SLCO1B1: variants seen among roughly 807,000 people sequenced by gnomAD.
The protein encoded by SLCO1B1 is solute carrier organic anion transporter family member 1B1, also known as OATP-2.
SLCO1B1 carries 81 observed loss-of-function variants against 70.1 expected under a neutral mutation model. The ratio of observed to expected loss-of-function variants is 1.16; its 90% confidence interval spans 0.97 to 1.39. SLCO1B1 has a LOEUF of 1.39. Among genes scored for constraint, SLCO1B1 ranks in the 40% most tolerant of loss-of-function variants. The probability of loss-of-function intolerance (pLI) is 0.00; values close to 1 mark genes in which losing one functional copy is unlikely to be tolerated. For missense variants in SLCO1B1, 895 were observed against 799.6 expected (o/e 1.12, Z -1.44); for synonymous variants, 283 against 271.5 (o/e 1.04, Z -0.42).
Position 21,239,095 on chromosome 12 carries a change from A to T in SLCO1B1, c.1982A>T (p.Asn661Ile), listed in dbSNP as rs749393518. ...YQEKDINASENGSVMDEANLE... is the reference protein window; with the variant it reads ...YQEKDINASEIGSVMDEANLE... ...GAGAAAGATATCAATGCATCAGAAAATGGAAGTGTCATGGATGAAGCAAAC... is the reference window on the plus strand; with the variant it reads ...GAGAAAGATATCAATGCATCAGAAATTGGAAGTGTCATGGATGAAGCAAAC... The change falls in exon 15 of 15, where the codon AAT becomes ATT. Residue 661 changes from asparagine to isoleucine, a missense_variant. By Grantham distance (149) the Asn-to-Ile change is moderately radical. Transcript: ENST00000256958. The T allele has an allele frequency of 6.2e-7, 1 of 1,610,112 alleles. No individual in the cohort carries two copies.
intron 2 of SLCO1B1, among the ~76,000 whole-genome samples, chr12:21,164,544 G>A (rs1392545976): frequency 2.6e-5 from 4 of 151,890 alleles, no homozygotes; most frequent in Non-Finnish European, 5.9e-5. Flanking sequence ...CTTCATGGCT[G>A]CCAGAATTAA....
chr12:21,210,894 T>C (rs1324266983), intron 11 of SLCO1B1, among the ~76,000 whole-genome samples: 2 of 152,068 alleles, frequency 1.3e-5, no homozygotes, highest in Non-Finnish European at 2.9e-5. Flanking sequence ...TGCTTGTGAT[T>C]TTTGTACATT....
intron 2 of SLCO1B1, among the ~76,000 whole-genome samples, chr12:21,147,055 C>T (rs1940396033): frequency 6.6e-6 from 1 of 152,072 alleles, no homozygotes; most frequent in South Asian, 2.1e-4. Flanking sequence ...TTTATTTCTC[C>T]TTGTATTTCT....
At chr12:21,152,732 C>G (rs1359435442) in intron 2 of SLCO1B1, among the ~76,000 whole-genome samples, 1 of 151,958 alleles carries the variant, frequency 6.6e-6, no homozygotes, top group Non-Finnish European at 1.5e-5. Flanking sequence ...AACACACCAT[C>G]TTATGAGGCT....
intron 9 of SLCO1B1, among the ~76,000 whole-genome samples, chr12:21,201,961 A>C (rs1434175195): frequency 6.6e-6 from 1 of 152,172 alleles, no homozygotes; most frequent in African/African-American, 2.4e-5. Context: ...AACCAACCCA[A>C]ATGACCACCA....
intron 11 of SLCO1B1, among the ~76,000 whole-genome samples, chr12:21,209,423 G>A (rs971042492): frequency 1.3e-5 from 2 of 152,122 alleles, no homozygotes; most frequent in African/African-American, 4.8e-5. Context: ...ATTCCATGGT[G>A]TATATGTGCC....
intron 7 of SLCO1B1, among the ~76,000 whole-genome samples, chr12:21,188,178 T>C (rs1409354623): frequency 6.6e-6 from 1 of 151,812 alleles, no homozygotes; most frequent in Non-Finnish European, 1.5e-5. Context: ...TATGAAATAG[T>C]TACTGAATGT....
chr12:21,156,592 T>G (rs918824235), intron 2 of SLCO1B1, among the ~76,000 whole-genome samples: 5 of 152,014 alleles, frequency 3.3e-5, no homozygotes, highest in Non-Finnish European at 7.4e-5. Flanking sequence ...AGAAAAAATA[T>G]CAGAAATTTT....
chr12:21,179,351 A>G (rs1940864935), intron 7 of SLCO1B1, among the ~76,000 whole-genome samples: 1 of 152,166 alleles, frequency 6.6e-6, no homozygotes, highest in South Asian at 2.1e-4. Context: ...GGTGGCTTGG[A>G]TGTTGATGTG....
chr12:21,215,173 G>A lies in SLCO1B1; in HGVS notation c.1498-1946G>A, dbSNP rs1591824089. On this transcript the variant is annotated intron_variant, in intron 11 of 14. Transcript: ENST00000256958. ...TCCTATTTGTCAGTGTTTTATTTCT[G>A]TCTCTTTCCTGATTGATCTGTCTAG... Among the ~76,000 whole-genome samples, 10 of 152,284 alleles carry A rather than the reference G, an allele frequency of 6.6e-5. No individual in the cohort carries two copies. In the South Asian group the frequency reaches 2.1e-3, roughly 32 times the overall value.
chr12:21,194,874 A>G (rs1429138061), intron 7 of SLCO1B1, among the ~76,000 whole-genome samples: 1 of 152,232 alleles, frequency 6.6e-6, no homozygotes, highest in Non-Finnish European at 1.5e-5. Flanking sequence ...GGAGACCCCA[A>G]GGAGCTTTTA....
chr12:21,133,493 C>G (rs1252872201), intron 1 of SLCO1B1, among the ~76,000 whole-genome samples: 1 of 152,062 alleles, frequency 6.6e-6, no homozygotes, highest in Non-Finnish European at 1.5e-5. Flanking sequence ...TTGTTCGTAT[C>G]CTCTTTTATT....
At chr12:21,143,433 TA>T (rs1398272334) in intron 2 of SLCO1B1, among the ~76,000 whole-genome samples, 1 of 151,980 alleles carries the variant, frequency 6.6e-6, no homozygotes, top group Admixed American at 6.6e-5. Flanking sequence ...TTCAGGAGCA[TA>T]AAAAAAGATG....
chr12:21,178,749 A>G, intron 6 of SLCO1B1, 27 bp downstream of exon 6: 4 of 1,577,178 alleles, frequency 2.5e-6, no homozygotes, highest in South Asian at 1.1e-5. Context: ...ATTAAATTGT[A>G]TGATCACTTT....
At chr12:21,135,760 T>A (rs952710186) in intron 1 of SLCO1B1, among the ~76,000 whole-genome samples, 1 of 152,184 alleles carries the variant, frequency 6.6e-6, no homozygotes, top group South Asian at 2.1e-4. Context: ...CTGACTACAG[T>A]GCACTGATTG....
chr12:21,155,274 A>T (rs1225425478), intron 2 of SLCO1B1, among the ~76,000 whole-genome samples: 2 of 151,906 alleles, frequency 1.3e-5, no homozygotes, highest in African/African-American at 4.8e-5. Context: ...TATGCTTTCA[A>T]TGTTTTAAAT....
At chr12:21,164,779 C>A in intron 2 of SLCO1B1, 1 of 468,890 alleles carries the variant, frequency 2.1e-6, no homozygotes, top group East Asian at 6.1e-5. Flanking sequence ...AAGACTTAGC[C>A]CCAATGTCAA....
intron 12 of SLCO1B1, among the ~76,000 whole-genome samples, chr12:21,221,951 T>A (rs1032897716): frequency 6.6e-6 from 1 of 152,042 alleles, no homozygotes; most frequent in Non-Finnish European, 1.5e-5. Flanking sequence ...AGACTCATGC[T>A]CTTTCACACT....
chr12:21,231,394 C>G (rs562571428), intron 14 of SLCO1B1, among the ~76,000 whole-genome samples: 7 of 143,138 alleles, frequency 4.9e-5, no homozygotes, highest in African/African-American at 1.5e-4. Flanking sequence ...AGAGTTCTAT[C>G]CTCCTTCAAT....
Sources: allele counts gnomAD v4.1 joint callset (sites outside exome capture counted in the v4.1 genomes callset), GRCh38; gene constraint gnomAD v4.1.1; transcripts MANE v1.5; gene names NCBI Gene and HGNC (gene_info 2026-07-23, HGNC 2026-07-21).